Variants in ZCCHC14 observed in about 807,000 individuals in gnomAD.
ZCCHC14 encodes zinc finger CCHC domain-containing protein 14.
Under a neutral mutation model 85.0 loss-of-function variants are expected in ZCCHC14, and 16 were observed. The observed-to-expected ratio is 0.19, with a 90% CI of 0.13 to 0.29. The LOEUF (loss-of-function observed/expected upper bound fraction) is 0.29. Among genes scored for constraint, ZCCHC14 ranks in the 10% least tolerant of loss-of-function variants. ZCCHC14 has a pLI of 1.00. For synonymous variants in ZCCHC14, 775 were observed against 630.7 expected (o/e 1.23, Z -3.43); for missense variants, 1,303 against 1,443.5 (o/e 0.90, Z 1.58).
chr16:87,436,147 C>A (rs1008035387), intron 2 of ZCCHC14, among the ~76,000 whole-genome samples: 7 of 152,182 alleles, frequency 4.6e-5, no homozygotes, highest in Non-Finnish European at 7.4e-5. Context: ...GGAAAAAAAA[C>A]CCATCTGGAC....
chr16:87,460,260 T>C (rs538315784), intron 1 of ZCCHC14, 129 bp from the exon 2 acceptor site: 1 of 1,236,668 alleles, frequency 8.1e-7, no homozygotes, highest in Admixed American at 2.7e-5. Flanking sequence ...ATTATTATAA[T>C]AATAAGCCTT....
At chr16:87,475,614 G>C (rs557715074) in intron 1 of ZCCHC14, among the ~76,000 whole-genome samples, 3 of 126,284 alleles carry the variant, frequency 2.4e-5, no homozygotes, top group East Asian at 2.3e-4. Flanking sequence ...TCTAAACGAA[G>C]AAAAATCCTG....
At chr16:87,476,581 T>C (rs915315884) in intron 1 of ZCCHC14, among the ~76,000 whole-genome samples, 1 of 151,786 alleles carries the variant, frequency 6.6e-6, no homozygotes, top group East Asian at 1.9e-4. Flanking sequence ...TACAGTGTCA[T>C]CTCTAGACCA....
intron 3 of ZCCHC14, among the ~76,000 whole-genome samples, chr16:87,431,140 A>C (rs1231922242): frequency 2.0e-5 from 3 of 151,622 alleles, no homozygotes; most frequent in Non-Finnish European, 4.4e-5. Flanking sequence ...AGTGTCAAAA[A>C]AAAGAAAGAA....
intron 2 of ZCCHC14, among the ~76,000 whole-genome samples, chr16:87,447,806 A>G (rs181046027): frequency 4.6e-5 from 7 of 152,344 alleles, no homozygotes; most frequent in Non-Finnish European, 1.5e-5. Context: ...GTACCATTTA[A>G]TCCTCCCATC....
At chr16:87,443,125 G>A (rs1910266452) in intron 2 of ZCCHC14, among the ~76,000 whole-genome samples, 1 of 152,194 alleles carries the variant, frequency 6.6e-6, no homozygotes, top group Non-Finnish European at 1.5e-5. Context: ...TAGGTTTGAT[G>A]GTTGAAAACA....
intron 2 of ZCCHC14, among the ~76,000 whole-genome samples, chr16:87,446,988 G>C (rs1450457049): frequency 6.6e-6 from 1 of 152,028 alleles, no homozygotes; most frequent in Non-Finnish European, 1.5e-5. Flanking sequence ...TGCCCGGCCA[G>C]CAAACCAACA....
At chr16:87,463,360 C>T (rs1297917964) in intron 1 of ZCCHC14, among the ~76,000 whole-genome samples, 1 of 152,126 alleles carries the variant, frequency 6.6e-6, no homozygotes, top group Non-Finnish European at 1.5e-5. Flanking sequence ...CCAGCCTGGG[C>T]GATAGCGAGA....
intron 1 of ZCCHC14, among the ~76,000 whole-genome samples, chr16:87,468,712 C>G (rs933656228): frequency 2.0e-5 from 3 of 152,216 alleles, no homozygotes; most frequent in Non-Finnish European, 4.4e-5. Context: ...CATCTGGCCA[C>G]AGCTGAAAAC....
intron 1 of ZCCHC14, among the ~76,000 whole-genome samples, chr16:87,470,052 G>A (rs1353864430): frequency 6.6e-6 from 1 of 152,072 alleles, no homozygotes; most frequent in East Asian, 1.9e-4. Context: ...CCAGCCTGGG[G>A]CCAGGAGCAG....
intron 3 of ZCCHC14, among the ~76,000 whole-genome samples, chr16:87,427,401 T>G (rs1177424007): frequency 2.6e-5 from 4 of 152,174 alleles, no homozygotes; most frequent in Non-Finnish European, 5.9e-5. Context: ...CAGTGTTGCT[T>G]GGGGTATGAA....
rs73242726 is a variant in ZCCHC14, at chr16:87,474,654, C to T, written c.571-14523G>A. ...TTCTTGTCCTGGGGCAGAACCTGGT[C>T]CTCCTCAGAGAAGGGGGGCAGCTAA... On this transcript the variant is annotated intron_variant, in intron 1 of 12. Transcript: ENST00000671377. 5.8e-3 allele frequency among the ~76,000 whole-genome samples: 879 copies of T among 152,300 alleles called. 5 individuals are homozygous for T. The highest frequency in any genetic ancestry group is 0.02 in the African/African-American group (832 of 41,554).
At chr16:87,444,586 G>C (rs894751483) in intron 2 of ZCCHC14, among the ~76,000 whole-genome samples, 14 of 152,304 alleles carry the variant, frequency 9.2e-5, no homozygotes, top group African/African-American at 2.2e-4. Context: ...TTGAGAGCTT[G>C]TACCACCCGA....
chr16:87,437,625 G>A (rs561309142), intron 2 of ZCCHC14, among the ~76,000 whole-genome samples: 1 of 152,186 alleles, frequency 6.6e-6, no homozygotes, highest in Non-Finnish European at 1.5e-5. Flanking sequence ...CCAGGCCTGC[G>A]CCCTCCTGAA....
chr16:87,415,568 C>A (rs118154488), intron 8 of ZCCHC14, among the ~76,000 whole-genome samples: 2 of 152,244 alleles, frequency 1.3e-5, no homozygotes, highest in Non-Finnish European at 2.9e-5. Flanking sequence ...AACTCCGAGA[C>A]GCAGTTCTGA....
At chr16:87,423,967 C>T (rs575615089) in intron 3 of ZCCHC14, 86 bp from the exon 4 acceptor site, 20 of 1,438,538 alleles carry the variant, frequency 1.4e-5, no homozygotes, top group African/African-American at 4.2e-5. Flanking sequence ...CTGGGGCACA[C>T]GTTCAGTCGG....
chr16:87,485,518 T>TA (rs1304905883), intron 1 of ZCCHC14, among the ~76,000 whole-genome samples: 7 of 148,502 alleles, frequency 4.7e-5, no homozygotes, highest in African/African-American at 1.8e-4. Context: ...TAATGTACCC[T>TA]AATTAGGTAA....
At position 87,420,289 on chromosome 16, in the gene ZCCHC14, T is replaced by C. The variant is rs1026929381; in HGVS notation, c.950+318A>G. Among the ~76,000 whole-genome samples the C allele has an allele frequency of 3.3e-5, 5 of 152,200 alleles. No homozygotes were observed. Among genetic ancestry groups the C allele is most frequent in the Non-Finnish European group, 7.3e-5 (5 of 68,034 alleles). On this transcript the variant is annotated intron_variant, in intron 5 of 12. Coordinates refer to ENST00000671377, the MANE Select transcript of ZCCHC14 (RefSeq NM_015144.3). The surrounding 1 kb of genome is among the most constrained non-coding windows in gnomAD (Gnocchi z 5.0). The stretch of plus-strand genomic sequence containing the variant: ...AGAGAAACTGTTTAAGAGACGCCAA[T>C]TTTATCTGGGAATAGTCTCAACCTT...
intron 1 of ZCCHC14, among the ~76,000 whole-genome samples, chr16:87,463,149 A>G (rs1450955650): frequency 6.6e-6 from 1 of 152,234 alleles, no homozygotes; most frequent in Non-Finnish European, 1.5e-5. Flanking sequence ...TGGGAGGCCA[A>G]AGCAGGAGGA....
Sources: gnomAD v4.1 joint callset for allele counts (sites outside exome capture counted in the v4.1 genomes callset) on GRCh38, gnomAD v4.1.1 for gene constraint, Gnocchi (gnomAD v3.1) non-coding constraint, MANE v1.5 for transcripts, NCBI Gene and HGNC (gene_info 2026-07-23, HGNC 2026-07-21) for gene names.